ETS1: variants seen among roughly 807,000 people sequenced by gnomAD.
ETS1 encodes the protein ETS proto-oncogene 1, transcription factor.
ETS1 carries 15 observed loss-of-function variants against 58.6 expected under a neutral mutation model. That is an observed-to-expected ratio of 0.26 (90% CI 0.17 to 0.39). ETS1 has a LOEUF of 0.39. Ranked by LOEUF, ETS1 falls within the 10% of genes least tolerant of loss-of-function variation. The pLI is 1.00. For missense variants in ETS1, 417 were observed against 610.5 expected, an observed-to-expected ratio of 0.68 and a Z score of 3.34; for synonymous variants, 214 against 218.2, an observed-to-expected ratio of 0.98 and a Z score of 0.17.
At chr11:128,485,534 A>G (rs922449114) in intron 6 of ETS1, among the ~76,000 whole-genome samples, 8 of 152,246 alleles carry the variant, frequency 5.3e-5, no homozygotes, top group Non-Finnish European at 7.3e-5. Context: ...CAGAGCTTAC[A>G]TTAGTGCAAC....
intron 1 of ETS1, among the ~76,000 whole-genome samples, chr11:128,576,546 G>T (rs2135587331): frequency 6.6e-6 from 1 of 152,216 alleles, no homozygotes; most frequent in African/African-American, 2.4e-5. Flanking sequence ...GTGCAAAAAT[G>T]ATTTGGACGC....
chr11:128,503,853 C>T (rs1222126365), intron 3 of ETS1, among the ~76,000 whole-genome samples: 1 of 152,166 alleles, frequency 6.6e-6, no homozygotes. Context: ...GAAATCCCCA[C>T]CCTGAGCATG....
Position 128,508,006 on chromosome 11 carries a change from T to C in ETS1, c.215-17430A>G, listed in dbSNP as rs141585291. Among the ~76,000 whole-genome samples, 10 of 152,326 alleles carry C rather than the reference T, an allele frequency of 6.6e-5. No individual in the cohort carries two copies. The East Asian group carries it at 1.7e-3, about 26-fold the overall frequency. On this transcript the variant is annotated intron_variant, in intron 3 of 9. Transcript: ENST00000392668. ...CCTTGTTGAAGTGGCAAGGGCAATG[T>C]CTAAAAATAATGCTTTAGAGTTGGA...
rs527780020 is a variant in ETS1, at chr11:128,480,583, C to T, written c.863-132G>A. The T allele has an allele frequency of 1.3e-4, 88 of 652,864 alleles. No individual in the cohort carries two copies. The African/African-American group carries it at 1.4e-3, about 10-fold the overall frequency. 40.4% of individuals were successfully genotyped at this position (652,864 alleles called of 1,614,324 possible). A position where few individuals can be genotyped will look rare whatever the true frequency, so the allele number is the denominator to read the frequency against. ...CAGGAAGGACGGAAGAAGGGAGAGGCGAGTGGGAACAGAAGCTTCAGGGGT... is the reference window on the plus strand; with the variant it reads ...CAGGAAGGACGGAAGAAGGGAGAGGTGAGTGGGAACAGAAGCTTCAGGGGT... On this transcript the variant is annotated intron_variant, in intron 7 of 9. Transcript: ENST00000392668.
intron 3 of ETS1, among the ~76,000 whole-genome samples, chr11:128,543,089 A>T (rs1456210540): frequency 6.6e-6 from 1 of 151,824 alleles, no homozygotes; most frequent in African/African-American, 2.4e-5. Flanking sequence ...GCTACTCGGG[A>T]GGCTGAGACA....
Position 128,526,503 on chromosome 11 carries a change from TG to T in ETS1, c.214+29787del. ...AAGATCTAGTATACGGTAGAATATG[TG>T]GGAAATCACATTAAATGTCTGTCTA... On this transcript the variant is annotated intron_variant, in intron 3 of 9. Coordinates refer to ENST00000392668, the MANE Select transcript of ETS1 (RefSeq NM_001143820.2). 3 of 187,412 alleles carry T rather than the reference TG, an allele frequency of 1.6e-5. No homozygotes were observed. In the Admixed American group the frequency reaches 1.6e-4, roughly 10 times the overall value. The allele number at this position is 187,412 out of a possible 1,614,324, so 11.6% of individuals were successfully genotyped here.
rs138616191 is a variant in ETS1, at chr11:128,551,304, G to C, written c.214+4987C>G. Reference sequence around the variant, plus strand: ...TGGAGGCATCTGTGCTTCCTGCTGAGACATCCCACCTGGTTGTGGATAGCC... The same window carrying C: ...TGGAGGCATCTGTGCTTCCTGCTGACACATCCCACCTGGTTGTGGATAGCC... On this transcript the variant is annotated intron_variant, in intron 3 of 9. Coordinates refer to ENST00000392668, the MANE Select transcript of ETS1 (RefSeq NM_001143820.2). Among the ~76,000 whole-genome samples, 1,446 of 152,310 alleles carry C rather than the reference G, an allele frequency of 9.5e-3. 29 individuals carry two copies. The highest frequency in any genetic ancestry group is 0.033 in the African/African-American group (1,362 of 41,554).
chr11:128,480,175 G>T lies in ETS1; in HGVS notation c.1123+16C>A, dbSNP rs756020577. 6.2e-6 allele frequency: 10 copies of T among 1,612,054 alleles called. No homozygotes were observed. Among genetic ancestry groups the T allele is most frequent in the Non-Finnish European group, 7.6e-6 (9 of 1,179,060 alleles). On this transcript the variant is annotated intron_variant, in intron 8 of 9. Coordinates refer to ENST00000392668, the MANE Select transcript of ETS1 (RefSeq NM_001143820.2). Reference sequence around the variant, plus strand: ...CGTGCAGATGGAGTTGGCCTAAGCAGCGGGAGGGCGCCTACCTGTGTAGCC... The same window carrying T: ...CGTGCAGATGGAGTTGGCCTAAGCATCGGGAGGGCGCCTACCTGTGTAGCC...
intron 1 of ETS1, among the ~76,000 whole-genome samples, chr11:128,582,626 C>T (rs1864897088): frequency 6.6e-6 from 1 of 152,142 alleles, no homozygotes; most frequent in East Asian, 1.9e-4. Flanking sequence ...GTCATGAAAA[C>T]AGGATTCCCT....
chr11:128,548,074 G>C (rs771348708), intron 3 of ETS1, among the ~76,000 whole-genome samples: 25 of 85,106 alleles, frequency 2.9e-4, no homozygotes, highest in Non-Finnish European at 4.3e-4. Context: ...AAAAAAGAGA[G>C]AAAGAAAAAA....
At chr11:128,468,158 C>G (rs189920900) in intron 8 of ETS1, among the ~76,000 whole-genome samples, 1 of 152,188 alleles carries the variant, frequency 6.6e-6, no homozygotes, top group East Asian at 1.9e-4. Context: ...ATGTTCACCC[C>G]CTAAGGGGAC....
At chr11:128,546,959 G>A (rs1864142342) in intron 3 of ETS1, among the ~76,000 whole-genome samples, 1 of 152,142 alleles carries the variant, frequency 6.6e-6, no homozygotes, top group African/African-American at 2.4e-5. Context: ...GAGGTCCCAG[G>A]TCCACAGTTT....
rs1296177778 is a variant in ETS1, at chr11:128,458,835, TA to T, written c.*3525del. On this transcript the variant is annotated 3_prime_UTR_variant, in exon 10 of 10. Coordinates refer to ENST00000392668, the MANE Select transcript of ETS1 (RefSeq NM_001143820.2). The surrounding 1 kb of genome is among the most constrained non-coding windows in gnomAD (Gnocchi z 4.3). ...CAATATGAAATCAGGCTACAGTATA[TA>T]AAAAACTCTCCAGCAAAATGATGTG... The T allele has an allele frequency of 6.6e-6, 1 of 152,630 alleles. No homozygotes were observed. Among genetic ancestry groups the T allele is most frequent in the East Asian group, 1.9e-4 (1 of 5,332 alleles). The allele number at this position is 152,630 out of a possible 1,614,324, so 9.5% of individuals were successfully genotyped here. A position where few individuals can be genotyped will look rare whatever the true frequency, so the allele number is the denominator to read the frequency against.
At chr11:128,580,046 A>G (rs1452488185) in intron 1 of ETS1, among the ~76,000 whole-genome samples, 5 of 152,114 alleles carry the variant, frequency 3.3e-5, no homozygotes, top group Admixed American at 2.6e-4. Flanking sequence ...CAGATGACAC[A>G]TAGTAGCCAT....
At chr11:128,562,567 A>G (rs1287267156) in intron 2 of ETS1, among the ~76,000 whole-genome samples, 19 of 152,148 alleles carry the variant, frequency 1.2e-4, no homozygotes, top group Non-Finnish European at 1.5e-5. Flanking sequence ...TCTTAGAAAG[A>G]GGCTACCAGA....
chr11:128,528,240 G>T (rs1863836547), intron 3 of ETS1, among the ~76,000 whole-genome samples: 1 of 152,158 alleles, frequency 6.6e-6, no homozygotes, highest in Non-Finnish European at 1.5e-5. Context: ...ATGGCCAACA[G>T]TCATGGAACT....
intron 8 of ETS1, among the ~76,000 whole-genome samples, chr11:128,476,200 G>A (rs1400243054): frequency 6.6e-6 from 1 of 152,168 alleles, no homozygotes; most frequent in Non-Finnish European, 1.5e-5. Context: ...CTTATCTGTG[G>A]CTATGTCTGA....
intron 5 of ETS1, among the ~76,000 whole-genome samples, chr11:128,486,605 T>C (rs1270510804): frequency 6.6e-6 from 1 of 152,246 alleles, no homozygotes; most frequent in Non-Finnish European, 1.5e-5. Flanking sequence ...CCATTTCCTC[T>C]AACAGATGTC....
In ETS1 at chr11:128,480,341, G is replaced by C; in HGVS notation, c.973C>G (p.Pro325Ala). Residue 325 changes from proline to alanine, a missense_variant, in exon 8 of 10, where the codon CCC becomes GCC. Transcript: ENST00000392668. ...TCTGAGTCGAAGCTGTCATAGGAGG[G>C]AACACGCTGCAGGCTGTTGAAAGAT... ...QSSFNSLQRV[P>A]SYDSFDSEDY... The C allele has an allele frequency of 1.2e-6, 2 of 1,614,140 alleles. No individual in the cohort carries two copies. Among genetic ancestry groups the C allele is most frequent in the Non-Finnish European group, 1.7e-6 (2 of 1,180,014 alleles).
Sources: allele counts gnomAD v4.1 joint callset (sites outside exome capture counted in the v4.1 genomes callset), GRCh38; gene constraint gnomAD v4.1.1; non-coding constraint Gnocchi (gnomAD v3.1); transcripts MANE v1.5; gene names NCBI Gene and HGNC (gene_info 2026-07-23, HGNC 2026-07-21).